The following C12orf76 variants were observed in gnomAD, a reference collection of about 807,000 sequenced individuals.
The protein encoded by C12orf76 is uncharacterized protein C12orf76.
C12orf76 carries 6 observed loss-of-function variants against 6.8 expected under a neutral mutation model. The observed-to-expected ratio is 0.88, with a 90% CI of 0.48 to 1.73. The LOEUF (loss-of-function observed/expected upper bound fraction) is 1.73, where lower values mean the gene tolerates loss of function less well. C12orf76 is among the 40% of genes most tolerant of loss of function. The pLI is 0.01. For synonymous variants in C12orf76, 56 were observed against 43.7 expected (o/e 1.28, Z -1.11); for missense variants, 99 against 98.2 (o/e 1.01, Z -0.03).
intron 1 of C12orf76, among the ~76,000 whole-genome samples, chr12:110,044,847 C>T (rs1252213552): frequency 6.6e-6 from 1 of 152,032 alleles, no homozygotes; most frequent in Non-Finnish European, 1.5e-5. Context: ...ATGGTGCATG[C>T]CTGTAATCCC....
At chr12:110,048,289 A>T in intron 1 of C12orf76, 74 bp downstream of exon 1, 1 of 1,426,998 alleles carries the variant, frequency 7.0e-7, no homozygotes, top group Non-Finnish European at 9.2e-7. Context: ...CGCTCCGTAC[A>T]TGCCCGGCTC....
At chr12:110,068,257 AAGAAGAAG>A (rs1297791685), upstream of C12orf76, among the ~76,000 whole-genome samples, 49 of 64,432 alleles carry the variant, frequency 7.6e-4, no homozygotes, top group African/African-American at 2.9e-3. Flanking sequence ...AAAGAAGAAG[AAGAAGAAG>A]AAGAAGAAGA....
At chr12:110,044,560 A>C (rs561265773) in intron 1 of C12orf76, 1 of 153,680 alleles carries the variant, frequency 6.5e-6, no homozygotes, top group South Asian at 2.0e-4. Context: ...AACAAAACAA[A>C]AGAAAAACCA....
chr12:110,073,578 A>C, exon 1 of C12orf76: 2 of 486,716 alleles, frequency 4.1e-6, no homozygotes, highest in Non-Finnish European at 8.2e-6. Context: ...GGGCTGGACC[A>C]GGGCTCAACT....
chr12:110,060,587 C>A (rs1371197293), intron 2 of C12orf76, among the ~76,000 whole-genome samples: 1 of 152,176 alleles, frequency 6.6e-6, no homozygotes, highest in East Asian at 1.9e-4. Context: ...TTCTCAGAAT[C>A]CTTTGGGGAC....
chr12:110,053,626 T>A (rs183297694), upstream of C12orf76, among the ~76,000 whole-genome samples: 15 of 152,354 alleles, frequency 9.8e-5, no homozygotes, highest in East Asian at 2.9e-3. Context: ...GCATTCCTCA[T>A]GACCCAGCAA....
upstream of C12orf76, among the ~76,000 whole-genome samples, chr12:110,052,221 T>C (rs941485652): frequency 6.7e-6 from 1 of 148,728 alleles, no homozygotes; most frequent in Non-Finnish European, 1.5e-5. Flanking sequence ...TGAGACGGAG[T>C]CTCGCTCTGT....
intron 1 of C12orf76, among the ~76,000 whole-genome samples, chr12:110,048,128 G>A (rs1465395491): frequency 6.6e-6 from 1 of 152,234 alleles, no homozygotes; most frequent in East Asian, 1.9e-4. Flanking sequence ...TTGAACCTGG[G>A]AGGCGAAGGT....
At chr12:110,058,648 C>CAACA (rs1374484861) in intron 3 of C12orf76, among the ~76,000 whole-genome samples, 1 of 151,794 alleles carries the variant, frequency 6.6e-6, no homozygotes, top group African/African-American at 2.4e-5. Flanking sequence ...TCAGCCTGGG[C>CAACA]AACAGAGTGA....
chr12:110,048,792 G>T, upstream of C12orf76: 1 of 454,036 alleles, frequency 2.2e-6, no homozygotes, highest in Non-Finnish European at 3.2e-6. Flanking sequence ...TTGGGGTCGA[G>T]GTCTTGTAGG....
upstream of C12orf76, chr12:110,051,388 C>T (rs1015868149): frequency 1.6e-6 from 1 of 641,958 alleles, no homozygotes; most frequent in African/African-American, 1.8e-5. Flanking sequence ...CAGTATCTGG[C>T]ACATACTGAG....
At chr12:110,061,866 T>C (rs1473281972) in intron 2 of C12orf76, among the ~76,000 whole-genome samples, 3 of 152,066 alleles carry the variant, frequency 2.0e-5, no homozygotes, top group African/African-American at 7.2e-5. Flanking sequence ...GAGCATGGAC[T>C]ATGGTGTGAG....
chr12:110,042,892 T>C (rs1226361755), intron 1 of C12orf76, among the ~76,000 whole-genome samples: 1 of 151,778 alleles, frequency 6.6e-6, no homozygotes. Context: ...ACCCCGTCTC[T>C]ACTAAAAATA....
At chr12:110,059,248 C>A in intron 2 of C12orf76, 1 of 1,409,080 alleles carries the variant, frequency 7.1e-7, no homozygotes, top group Non-Finnish European at 9.5e-7. Flanking sequence ...GGTTAATTAG[C>A]TCTATCTAAT....
At chr12:110,056,753 T>C (rs572617162) in intron 4 of C12orf76, among the ~76,000 whole-genome samples, 33 of 152,248 alleles carry the variant, frequency 2.2e-4, no homozygotes, top group Admixed American at 3.3e-4. Context: ...TGGTGGGAGA[T>C]AGTGACTAAG....
upstream of C12orf76, among the ~76,000 whole-genome samples, chr12:110,068,232 G>A (rs1431362528): frequency 1.4e-5 from 2 of 138,104 alleles, no homozygotes; most frequent in Non-Finnish European, 3.1e-5. Flanking sequence ...AGAAGGAGAA[G>A]AGAAGAAGAA....
At chr12:110,045,542 C>T (rs771252884) in intron 1 of C12orf76, among the ~76,000 whole-genome samples, 49 of 150,856 alleles carry the variant, frequency 3.2e-4, no homozygotes, top group Non-Finnish European at 2.8e-4. Context: ...GCCAAGATCG[C>T]GCCACTGCAC....
At chr12:110,068,128 C>G (rs149666077), upstream of C12orf76, among the ~76,000 whole-genome samples, 1 of 151,490 alleles carries the variant, frequency 6.6e-6, no homozygotes, top group Admixed American at 6.6e-5. Context: ...CGTTTGAACC[C>G]GGGAGGCAGA....
upstream of C12orf76, among the ~76,000 whole-genome samples, chr12:110,052,067 TA>T (rs1892585949): frequency 6.6e-6 from 1 of 151,430 alleles, no homozygotes; most frequent in African/African-American, 2.4e-5. Flanking sequence ...TAATTTTTTG[TA>T]TTTTTTTTTA....
Sources: gnomAD v4.1 joint callset for allele counts (sites outside exome capture counted in the v4.1 genomes callset) on GRCh38, gnomAD v4.1.1 for gene constraint, MANE v1.5 for transcripts, NCBI Gene and HGNC (gene_info 2026-07-23, HGNC 2026-07-21) for gene names.